SLC25A48: variants seen among roughly 807,000 people sequenced by gnomAD.
SLC25A48 encodes CTC-321K16.1.
In SLC25A48, 29 loss-of-function variants were observed where a neutral mutation model predicts 32.2. That is an observed-to-expected ratio of 0.90 (90% CI 0.67 to 1.23). The LOEUF (loss-of-function observed/expected upper bound fraction) is 1.23, where lower values mean the gene tolerates loss of function less well. Ranked by LOEUF, SLC25A48 falls within the 50% of genes most tolerant of loss-of-function variation. SLC25A48 has a pLI of 0.00. For missense variants in SLC25A48, 399 were observed against 422.7 expected, an observed-to-expected ratio of 0.94 and a Z score of 0.49; for synonymous variants, 164 against 172.3, an observed-to-expected ratio of 0.95 and a Z score of 0.38.
chr5:135,647,647 G>T lies in SLC25A48; in HGVS notation c.-521+12691G>T, dbSNP rs182535149. ...TGCAGAGGAGGCCTCCTGGGCTCTG[G>T]GACACATGGACACATGAAGTCTTTG... On this transcript the variant is annotated intron_variant, in intron 3 of 10. Coordinates refer to the SLC25A48 transcript ENST00000646290. Among the ~76,000 whole-genome samples, 540 of 152,108 alleles carry T rather than the reference G, an allele frequency of 3.6e-3. 3 individuals carry two copies. The highest frequency in any genetic ancestry group is 0.012 in the African/African-American group (494 of 41,488).
At position 135,592,302 on chromosome 5, in the gene SLC25A48, A is replaced by T. The variant is rs1751545546; in HGVS notation, c.-849+12705A>T. Reference sequence around the variant, plus strand: ...TGGCCTCATCAGGGAGGCGTGATGAAGCCTGGCCTATCAGGAACAGGTGTT... The same window carrying T: ...TGGCCTCATCAGGGAGGCGTGATGATGCCTGGCCTATCAGGAACAGGTGTT... On this transcript the variant is annotated intron_variant, in intron 1 of 10. Coordinates refer to the SLC25A48 transcript ENST00000646290. Among the ~76,000 whole-genome samples, 5 of 152,194 alleles carry T rather than the reference A, an allele frequency of 3.3e-5. No homozygotes were observed. The South Asian group carries it at 1.0e-3, about 32-fold the overall frequency.
At chr5:135,776,201 A>G (rs1251944851) in intron 3 of SLC25A48, among the ~76,000 whole-genome samples, 1 of 149,122 alleles carries the variant, frequency 6.7e-6, no homozygotes, top group Non-Finnish European at 1.5e-5. Flanking sequence ...CAAGCGAGTG[A>G]TGATGATATT....
intron 3 of SLC25A48, among the ~76,000 whole-genome samples, chr5:135,690,759 A>G (rs764858154): frequency 6.6e-6 from 1 of 152,180 alleles, no homozygotes; most frequent in Non-Finnish European, 1.5e-5. Context: ...CAGCAGATCA[A>G]TTTTGAATCC....
chr5:135,848,424 C>T (rs546115019), intron 2 of SLC25A48, among the ~76,000 whole-genome samples: 7 of 152,274 alleles, frequency 4.6e-5, no homozygotes, highest in South Asian at 4.1e-4. Flanking sequence ...CATCCCACTC[C>T]GAGGTAGGCC....
chr5:135,641,290 G>A (rs775391202), intron 3 of SLC25A48, among the ~76,000 whole-genome samples: 18 of 152,186 alleles, frequency 1.2e-4, no homozygotes, highest in Non-Finnish European at 2.4e-4. Flanking sequence ...GAAGATATTT[G>A]TGACCTTTGG....
chr5:135,823,544 A>G (rs1757945576), intron 4 of SLC25A48, among the ~76,000 whole-genome samples: 1 of 151,884 alleles, frequency 6.6e-6, no homozygotes, highest in Non-Finnish European at 1.5e-5. Context: ...CTTGGTGTCT[A>G]CCATATGCCA....
intron 3 of SLC25A48, among the ~76,000 whole-genome samples, chr5:135,803,785 G>A (rs1018274266): frequency 2.6e-5 from 4 of 151,524 alleles, no homozygotes; most frequent in African/African-American, 9.7e-5. Flanking sequence ...GATATTATAT[G>A]TAATATTCTA....
chr5:135,867,203 C>T (rs959213363), intron 4 of SLC25A48, among the ~76,000 whole-genome samples: 3 of 152,172 alleles, frequency 2.0e-5, no homozygotes, highest in African/African-American at 4.8e-5. Context: ...CCAATCCTTT[C>T]GCATATGCAT....
intron 1 of SLC25A48, among the ~76,000 whole-genome samples, chr5:135,622,898 C>G (rs1466339783): frequency 6.6e-6 from 1 of 152,138 alleles, no homozygotes; most frequent in African/African-American, 2.4e-5. Flanking sequence ...AGCTGAATGG[C>G]TACGTTAGAA....
intron 1 of SLC25A48, among the ~76,000 whole-genome samples, chr5:135,599,592 A>C (rs1312837774): frequency 6.6e-6 from 1 of 152,178 alleles, no homozygotes; most frequent in Non-Finnish European, 1.5e-5. Flanking sequence ...CGAGGCTGGG[A>C]GTTGTGAGGC....
At chr5:135,818,507 A>C (rs1757794766) in intron 4 of SLC25A48, among the ~76,000 whole-genome samples, 2 of 152,232 alleles carry the variant, frequency 1.3e-5, no homozygotes, top group Admixed American at 6.5e-5. Context: ...GAATACAGCA[A>C]ATGCTTAGAG....
chr5:135,731,132 T>G (rs1487949005), intron 3 of SLC25A48, among the ~76,000 whole-genome samples: 7 of 151,800 alleles, frequency 4.6e-5, no homozygotes, highest in African/African-American at 1.7e-4. Flanking sequence ...GGCCATTTTA[T>G]AGGATTTGGG....
intron 1 of SLC25A48, 114 bp from the exon 2 acceptor site, chr5:135,842,302 C>T (rs1489526671): frequency 3.6e-6 from 4 of 1,096,566 alleles, no homozygotes; most frequent in Non-Finnish European, 5.6e-6. Context: ...CCCACTCCCC[C>T]TACCCCAGCA....
At chr5:135,833,868 A>G (rs1230651776), upstream of SLC25A48, among the ~76,000 whole-genome samples, 4 of 152,144 alleles carry the variant, frequency 2.6e-5, no homozygotes, top group East Asian at 5.8e-4. Flanking sequence ...ATTAACCTGG[A>G]TGACGTGACA....
At chr5:135,757,682 TATG>T (rs538695488) in intron 3 of SLC25A48, among the ~76,000 whole-genome samples, 64 of 149,966 alleles carry the variant, frequency 4.3e-4, no homozygotes, top group African/African-American at 1.5e-3. Context: ...GTTATCACAC[TATG>T]ATATTAATAA....
At chr5:135,665,433 GT>G in intron 3 of SLC25A48, among the ~76,000 whole-genome samples, 1 of 151,860 alleles carries the variant, frequency 6.6e-6, no homozygotes, top group East Asian at 1.9e-4. Context: ...GTTTAATTAG[GT>G]TTCATTTATT....
intron 7 of SLC25A48, among the ~76,000 whole-genome samples, chr5:135,887,491 T>C (rs966899154): frequency 7.3e-5 from 11 of 151,224 alleles, no homozygotes; most frequent in South Asian, 6.2e-4. Context: ...CACACACACA[T>C]ATATATGTGT....
At chr5:135,587,681 T>C (rs1751400737) in intron 1 of SLC25A48, among the ~76,000 whole-genome samples, 1 of 152,190 alleles carries the variant, frequency 6.6e-6, no homozygotes, top group South Asian at 2.1e-4. Context: ...CAAGCAACCA[T>C]CTGAGACATG....
At chr5:135,621,860 A>G (rs970124571) in intron 1 of SLC25A48, among the ~76,000 whole-genome samples, 6 of 152,322 alleles carry the variant, frequency 3.9e-5, no homozygotes, top group African/African-American at 9.6e-5. Flanking sequence ...GTCATATACC[A>G]TATATTAAAA....
Sources: gnomAD v4.1 joint callset for allele counts (sites outside exome capture counted in the v4.1 genomes callset) on GRCh38, gnomAD v4.1.1 for gene constraint, MANE v1.5 for transcripts, NCBI Gene and HGNC (gene_info 2026-07-23, HGNC 2026-07-21) for gene names.